Variants in LNPEP observed in about 807,000 individuals in gnomAD.
LNPEP encodes the protein leucyl-cystinyl aminopeptidase.
LNPEP carries 64 observed loss-of-function variants against 120.6 expected under a neutral mutation model. The ratio of observed to expected loss-of-function variants is 0.53; its 90% CI spans 0.43 to 0.65. LNPEP has a LOEUF of 0.65. LNPEP is among the 30% of genes least tolerant of loss of function. The pLI, the probability that LNPEP is intolerant of heterozygous loss-of-function variation, is 0.00. For missense variants in LNPEP, 1,057 were observed against 1,200.0 expected (o/e 0.88, Z 1.76); for synonymous variants, 435 against 425.4 (o/e 1.02, Z -0.28).
At chr5:96,954,735 CATATAT>C (rs1300956480) in intron 1 of LNPEP, among the ~76,000 whole-genome samples, 6 of 69,658 alleles carry the variant, frequency 8.6e-5, no homozygotes, top group South Asian at 4.7e-4. Context: ...TATATATATA[CATATAT>C]ATATACACAT....
At chr5:96,938,984 CAA>C (rs11342983) in intron 1 of LNPEP, among the ~76,000 whole-genome samples, 11,416 of 142,754 alleles carry the variant, frequency 0.08, 498 homozygotes, top group Middle Eastern at 0.15. Flanking sequence ...TTGTATATTA[CAA>C]AAAAAAAAAA....
intron 1 of LNPEP, among the ~76,000 whole-genome samples, chr5:96,975,613 G>GT (rs1373530813): frequency 2.6e-5 from 4 of 151,554 alleles, no homozygotes; most frequent in African/African-American, 7.3e-5. Flanking sequence ...TATTGTTTCT[G>GT]TTTTTTTAAT....
intron 4 of LNPEP, among the ~76,000 whole-genome samples, chr5:96,987,274 C>T (rs577553044): frequency 6.6e-6 from 1 of 152,170 alleles, no homozygotes; most frequent in African/African-American, 2.4e-5. Flanking sequence ...TTTGATTGGA[C>T]TTTATACTTT....
intron 17 of LNPEP, 53 bp downstream of exon 17, chr5:97,027,867 G>A: frequency 9.6e-7 from 1 of 1,046,648 alleles, no homozygotes; most frequent in Non-Finnish European, 1.5e-6. Flanking sequence ...CGCACACCCG[G>A]ACCAGGCTGC....
At chr5:97,019,485 A>G (rs1441373257) in intron 13 of LNPEP, among the ~76,000 whole-genome samples, 1 of 152,176 alleles carries the variant, frequency 6.6e-6, no homozygotes, top group African/African-American at 2.4e-5. Context: ...GTTTTACTTT[A>G]TTATGTTATA....
At chr5:96,985,726 A>G (rs972480233) in intron 3 of LNPEP, among the ~76,000 whole-genome samples, 1 of 151,862 alleles carries the variant, frequency 6.6e-6, no homozygotes, top group Non-Finnish European at 1.5e-5. Flanking sequence ...TTTTATGCCA[A>G]ACAAAACCTG....
At chr5:96,941,913 C>G (rs569833279) in intron 1 of LNPEP, among the ~76,000 whole-genome samples, 30 of 152,220 alleles carry the variant, frequency 2.0e-4, no homozygotes, top group Non-Finnish European at 3.1e-4. Context: ...ATGGTCATGC[C>G]TTGATCCTTG....
chr5:96,944,804 T>C lies in LNPEP; in HGVS notation c.19+8630T>C, dbSNP rs1425694292. On this transcript the variant is annotated intron_variant, in intron 1 of 17. Coordinates refer to ENST00000231368, the MANE Select transcript of LNPEP (RefSeq NM_005575.3). ...CCAGGGTGGTCTTGAACTCCTGGCC[T>C]CAAGTCATCACCCACCTCAGCCTCC... Among the ~76,000 whole-genome samples the C allele has an allele frequency of 3.3e-5, 5 of 152,030 alleles. No individual in the cohort carries two copies. The South Asian group carries it at 6.2e-4, about 19-fold the overall frequency.
At chr5:96,943,970 A>C (rs2112559142) in intron 1 of LNPEP, among the ~76,000 whole-genome samples, 1 of 152,348 alleles carries the variant, frequency 6.6e-6, no homozygotes, top group East Asian at 1.9e-4. Flanking sequence ...AAGTTAAAGA[A>C]GGCTTCTTCA....
chr5:96,966,612 G>A (rs1190884899), intron 1 of LNPEP, among the ~76,000 whole-genome samples: 2 of 151,032 alleles, frequency 1.3e-5, no homozygotes, highest in Non-Finnish European at 1.5e-5. Flanking sequence ...CTTAGTATAT[G>A]TCGGAACCTC....
intron 1 of LNPEP, among the ~76,000 whole-genome samples, chr5:96,943,922 G>T (rs986738147): frequency 3.3e-5 from 5 of 152,188 alleles, no homozygotes; most frequent in Non-Finnish European, 7.3e-5. Context: ...GGATTGTGGG[G>T]CTCAGAGTCT....
At position 96,979,982 on chromosome 5, in the gene LNPEP, G is replaced by A. The variant is rs1462981525; in HGVS notation, c.860+4G>A. On this transcript the variant is annotated splice_donor_region_variant and intron_variant, in intron 2 of 17. Transcript: ENST00000231368. ...CAGATGAAAGTAATGAGAAAAAGTA[G>A]GTAGCCCTCTTAAATGATTCTGGTT... The A allele has an allele frequency of 3.8e-6, 6 of 1,571,758 alleles. No individual in the cohort carries two copies. The highest frequency in any genetic ancestry group is 5.2e-6 in the Non-Finnish European group (6 of 1,156,840).
intron 1 of LNPEP, among the ~76,000 whole-genome samples, chr5:96,946,991 G>A (rs1260277298): frequency 6.6e-6 from 1 of 152,130 alleles, no homozygotes; most frequent in Non-Finnish European, 1.5e-5. Context: ...TATGTCTAAT[G>A]TAATTTTTCA....
chr5:96,944,549 TCTTATTTTTG>T (rs1789138338), intron 1 of LNPEP, among the ~76,000 whole-genome samples: 1 of 147,650 alleles, frequency 6.8e-6, no homozygotes, highest in East Asian at 2.0e-4. Flanking sequence ...TTTTTGTTTT[TCTTATTTTTG>T]CTTTTTTTTT....
intron 2 of LNPEP, 54 bp from the exon 3 acceptor site, chr5:96,985,026 G>A: frequency 1.3e-6 from 2 of 1,591,304 alleles, no homozygotes; most frequent in Non-Finnish European, 1.7e-6. Flanking sequence ...TTGGCAGGGT[G>A]CCTTGTACAG....
At chr5:97,022,666 T>G (rs997750994) in intron 14 of LNPEP, among the ~76,000 whole-genome samples, 182 bp downstream of exon 14, 1 of 151,906 alleles carries the variant, frequency 6.6e-6, no homozygotes, top group Non-Finnish European at 1.5e-5. Flanking sequence ...CTTTAAGTTT[T>G]AGGGTACATG....
At position 96,986,533 on chromosome 5, in the gene LNPEP, T is replaced by C. The variant is rs1790248527; in HGVS notation, c.1000-6T>C. ...TACAGAACTGTCTTTTCCCCTTTGC[T>C]TGTAGAAGTCATCAGTCGTTCTAGA... On this transcript the variant is annotated splice_polypyrimidine_tract_variant and splice_region_variant and intron_variant, in intron 3 of 17. Coordinates refer to ENST00000231368, the MANE Select transcript of LNPEP (RefSeq NM_005575.3). 1 of 1,612,286 alleles carries C rather than the reference T, an allele frequency of 6.2e-7. No homozygotes were observed. The highest frequency in any genetic ancestry group is 8.5e-7 in the Non-Finnish European group (1 of 1,178,900).
At chr5:96,955,630 A>C (rs1789450218) in intron 1 of LNPEP, among the ~76,000 whole-genome samples, 1 of 152,244 alleles carries the variant, frequency 6.6e-6, no homozygotes, top group South Asian at 2.1e-4. Flanking sequence ...AAAAAGAAAA[A>C]GAAAAAAATT....
Position 97,031,182 on chromosome 5 carries a change from A to T in LNPEP, c.*2649A>T, listed in dbSNP as rs1020736941. ...AAAAGGGTCATCATACTAGATTATT[A>T]AAAAAGAATTGGAAATCTTGAGTTG... On this transcript the variant is annotated 3_prime_UTR_variant, in exon 18 of 18. Coordinates refer to ENST00000231368, the MANE Select transcript of LNPEP (RefSeq NM_005575.3). The T allele has an allele frequency of 1.0e-5, 1 of 96,876 alleles. No individual in the cohort carries two copies. Among genetic ancestry groups the T allele is most frequent in the South Asian group, 4.1e-4 (1 of 2,458 alleles). 6.0% of individuals were successfully genotyped at this position (96,876 alleles called of 1,614,324 possible).
Sources: allele counts gnomAD v4.1 joint callset (sites outside exome capture counted in the v4.1 genomes callset), GRCh38; gene constraint gnomAD v4.1.1; transcripts MANE v1.5; gene names NCBI Gene and HGNC (gene_info 2026-07-23, HGNC 2026-07-21).